The following CEP112 variants were observed in gnomAD, a reference collection of about 807,000 sequenced individuals.
CEP112 encodes centrosomal protein 112, also known as centrosomal protein of 112 kDa.
In CEP112, 127 loss-of-function variants were observed where a neutral mutation model predicts 153.0. The ratio of observed to expected loss-of-function variants is 0.83; its 90% CI spans 0.72 to 0.96. CEP112 has a LOEUF of 0.96. CEP112 is among the 40% of genes least tolerant of loss of function. The pLI is 0.00. For missense variants in CEP112, 1,089 were observed against 1,101.2 expected, an observed-to-expected ratio of 0.99 and a Z score of 0.16; for synonymous variants, 358 against 374.4, an observed-to-expected ratio of 0.96 and a Z score of 0.51.
At chr17:65,681,919 G>A (rs960607714) in intron 24 of CEP112, among the ~76,000 whole-genome samples, 1 of 151,710 alleles carries the variant, frequency 6.6e-6, no homozygotes, top group East Asian at 1.9e-4. Context: ...GGCTCAAGCA[G>A]CCTGCTTGTC....
chr17:66,005,232 A>G lies in CEP112; in HGVS notation c.1736+458T>C, dbSNP rs144866352. Among the ~76,000 whole-genome samples, 348 of 152,306 alleles carry G rather than the reference A, an allele frequency of 2.3e-3. 2 individuals carry two copies. Among genetic ancestry groups the G allele is most frequent in the African/African-American group, 7.2e-3 (299 of 41,570 alleles). ...AAATCTAATATTTTAATGTATGCCT[A>G]AGTACAGTAAAACATTAAAATACTG... On this transcript the variant is annotated intron_variant, in intron 17 of 26. Coordinates refer to ENST00000535342, the MANE Select transcript of CEP112 (RefSeq NM_001199165.4).
intron 18 of CEP112, among the ~76,000 whole-genome samples, chr17:65,949,855 A>G (rs2061763548): frequency 6.6e-6 from 1 of 152,128 alleles, no homozygotes; most frequent in Admixed American, 6.6e-5. Flanking sequence ...AGATTATATT[A>G]TCTCCGGGGC....
rs2072243012 is a variant in CEP112, at chr17:66,171,536, A to G, written c.470+3508T>C. Among the ~76,000 whole-genome samples, 3 of 152,214 alleles carry G rather than the reference A, an allele frequency of 2.0e-5. No individual in the cohort carries two copies. The South Asian group carries it at 6.2e-4, about 31-fold the overall frequency. On this transcript the variant is annotated intron_variant, in intron 4 of 26. Coordinates refer to ENST00000535342, the MANE Select transcript of CEP112 (RefSeq NM_001199165.4). ...AGCAGATACTAACTTTTTCATTAGCATACTATGATCACTCAGAGTAAAGGA... is the reference window on the plus strand; with the variant it reads ...AGCAGATACTAACTTTTTCATTAGCGTACTATGATCACTCAGAGTAAAGGA...
intron 21 of CEP112, among the ~76,000 whole-genome samples, chr17:65,838,269 T>C (rs2046702934): frequency 6.6e-6 from 1 of 152,100 alleles, no homozygotes; most frequent in Non-Finnish European, 1.5e-5. Flanking sequence ...AAAACAAGTC[T>C]TAAGAAATTT....
intron 24 of CEP112, among the ~76,000 whole-genome samples, chr17:65,661,025 C>A (rs890668145): frequency 6.6e-5 from 10 of 152,206 alleles, no homozygotes; most frequent in African/African-American, 2.4e-4. Flanking sequence ...TTAAAGACAA[C>A]CTCCTTTGCA....
intron 24 of CEP112, among the ~76,000 whole-genome samples, chr17:65,648,309 T>G (rs2045550924): frequency 6.6e-6 from 1 of 152,140 alleles, no homozygotes; most frequent in Admixed American, 6.5e-5. Context: ...GGAAACTCAC[T>G]CAGGACATTG....
chr17:65,949,189 T>C (rs556038633), intron 18 of CEP112, among the ~76,000 whole-genome samples: 2 of 152,348 alleles, frequency 1.3e-5, no homozygotes, highest in East Asian at 1.9e-4. Context: ...TTAACATCTG[T>C]TCAAATTTGC....
chr17:65,645,325 TC>T (rs2045374595), intron 24 of CEP112, among the ~76,000 whole-genome samples: 5 of 152,322 alleles, frequency 3.3e-5, no homozygotes, highest in Admixed American at 3.3e-4. Context: ...TGCCTCAGCC[TC>T]CTGAGTAGTT....
chr17:65,768,484 A>C (rs2053135627), intron 21 of CEP112, among the ~76,000 whole-genome samples: 1 of 152,130 alleles, frequency 6.6e-6, no homozygotes. Flanking sequence ...CATTACCTTG[A>C]TACCTAAGCC....
At chr17:65,657,839 G>C (rs1420444752) in intron 24 of CEP112, among the ~76,000 whole-genome samples, 1 of 152,186 alleles carries the variant, frequency 6.6e-6, no homozygotes, top group African/African-American at 2.4e-5. Flanking sequence ...ATAGAAGTAA[G>C]GTTGGAGCAC....
intron 17 of CEP112, among the ~76,000 whole-genome samples, chr17:65,971,897 C>A (rs2062852901): frequency 6.6e-6 from 1 of 152,070 alleles, no homozygotes; most frequent in African/African-American, 2.4e-5. Context: ...ATAAAAGAAG[C>A]AAAGACTTAT....
chr17:65,717,954 T>C (rs1344820673), intron 23 of CEP112, among the ~76,000 whole-genome samples: 4 of 152,252 alleles, frequency 2.6e-5, no homozygotes, highest in Non-Finnish European at 4.4e-5. Context: ...AAAAATCCTG[T>C]ACATTTTTTT....
intron 6 of CEP112, among the ~76,000 whole-genome samples, chr17:66,110,276 G>A (rs573388222): frequency 2.6e-5 from 4 of 151,864 alleles, no homozygotes; most frequent in South Asian, 4.2e-4. Flanking sequence ...AGGATGCAGT[G>A]AGCAGAGATT....
At chr17:65,751,951 CTTCTATCTATCT>C (rs1481018124) in intron 21 of CEP112, among the ~76,000 whole-genome samples, 10 of 119,506 alleles carry the variant, frequency 8.4e-5, no homozygotes, top group African/African-American at 3.3e-4. Context: ...CAATACAGTC[CTTCTATCTATCT>C]ATCTATCTAT....
intron 20 of CEP112, among the ~76,000 whole-genome samples, chr17:65,894,598 T>C (rs1436501900): frequency 6.6e-6 from 1 of 152,068 alleles, no homozygotes; most frequent in Non-Finnish European, 1.5e-5. Flanking sequence ...TATGTGAATA[T>C]AACAAATATC....
intron 4 of CEP112, among the ~76,000 whole-genome samples, chr17:66,149,697 T>C (rs1164779210): frequency 1.3e-5 from 2 of 152,006 alleles, no homozygotes; most frequent in African/African-American, 4.8e-5. Flanking sequence ...CTTGTTTCTT[T>C]TTTTCTTACC....
At chr17:65,858,696 A>C (rs2058205146) in intron 20 of CEP112, among the ~76,000 whole-genome samples, 1 of 152,204 alleles carries the variant, frequency 6.6e-6, no homozygotes, top group Non-Finnish European at 1.5e-5. Flanking sequence ...TTCATTAACA[A>C]TTAACCGTTT....
chr17:65,945,922 C>T (rs2061636737), intron 18 of CEP112, among the ~76,000 whole-genome samples: 1 of 152,148 alleles, frequency 6.6e-6, no homozygotes, highest in South Asian at 2.1e-4. Flanking sequence ...GTTGGGATTA[C>T]AGGCATGAGC....
At chr17:65,844,560 C>G (rs2057649338) in intron 21 of CEP112, among the ~76,000 whole-genome samples, 1 of 151,854 alleles carries the variant, frequency 6.6e-6, no homozygotes, top group Non-Finnish European at 1.5e-5. Flanking sequence ...TGGCGCATGC[C>G]TGTAGTCCCA....
Sources: gnomAD v4.1 joint callset for allele counts (sites outside exome capture counted in the v4.1 genomes callset) on GRCh38, gnomAD v4.1.1 for gene constraint, MANE v1.5 for transcripts, NCBI Gene and HGNC (gene_info 2026-07-23, HGNC 2026-07-21) for gene names.